The following ELOVL7 variants were observed in gnomAD, a reference collection of about 807,000 sequenced individuals.
ELOVL7 encodes the protein ELOVL fatty acid elongase 7.
In ELOVL7, 27 loss-of-function variants were observed where a neutral mutation model predicts 35.7. The observed-to-expected ratio is 0.76, with a 90% CI of 0.56 to 1.04. ELOVL7 has a LOEUF of 1.04. Among genes scored for constraint, ELOVL7 ranks in the 50% least tolerant of loss-of-function variants. The pLI is 0.00. For missense variants in ELOVL7, 327 were observed against 340.8 expected, an observed-to-expected ratio of 0.96 and a Z score of 0.32; for synonymous variants, 113 against 114.6, an observed-to-expected ratio of 0.99 and a Z score of 0.09.
chr5:60,819,374 G>A (rs115334114), intron 1 of ELOVL7, among the ~76,000 whole-genome samples: 1,728 of 152,218 alleles, frequency 0.011, 16 homozygotes, highest in South Asian at 0.042. Context: ...AAAGAGTGAA[G>A]TTGAAGGGTC....
At chr5:60,838,117 T>A (rs1223573784) in intron 1 of ELOVL7, among the ~76,000 whole-genome samples, 1 of 152,180 alleles carries the variant, frequency 6.6e-6, no homozygotes, top group Non-Finnish European at 1.5e-5. Flanking sequence ...GATTCCCCAC[T>A]GACATTATGA....
At chr5:60,820,993 T>C (rs1178778986) in intron 1 of ELOVL7, among the ~76,000 whole-genome samples, 1 of 152,214 alleles carries the variant, frequency 6.6e-6, no homozygotes, top group Non-Finnish European at 1.5e-5. Flanking sequence ...GCTGTAGCTT[T>C]AAGCCCTATA....
At chr5:60,809,735 G>C (rs1745138907) in intron 1 of ELOVL7, among the ~76,000 whole-genome samples, 1 of 152,176 alleles carries the variant, frequency 6.6e-6, no homozygotes, top group Non-Finnish European at 1.5e-5. Context: ...GATTTCACAG[G>C]AAATCAGAAA....
chr5:60,769,577 T>C (rs1742449133), intron 4 of ELOVL7, among the ~76,000 whole-genome samples: 1 of 152,236 alleles, frequency 6.6e-6, no homozygotes, highest in Admixed American at 6.5e-5. Flanking sequence ...GTGTTTGCTT[T>C]GTAAACCAAA....
chr5:60,821,716 T>G (rs1342995414), intron 1 of ELOVL7, among the ~76,000 whole-genome samples: 2 of 152,256 alleles, frequency 1.3e-5, no homozygotes, highest in Non-Finnish European at 2.9e-5. Flanking sequence ...ACAAATGGTT[T>G]CTTACTAGAT....
chr5:60,764,446 G>T (rs6889075), intron 6 of ELOVL7, 114 bp from the exon 7 acceptor site: 2 of 823,780 alleles, frequency 2.4e-6, no homozygotes, highest in Non-Finnish European at 3.9e-6. Flanking sequence ...TCCTCTAAAA[G>T]TGTTGCCTTA....
At chr5:60,785,844 A>G (rs1273143290) in intron 3 of ELOVL7, 1 of 152,204 alleles carries the variant, frequency 6.6e-6, no homozygotes, top group South Asian at 2.1e-4. Flanking sequence ...GGCATTCCTC[A>G]AAGGAAAAAC....
In ELOVL7 at chr5:60,754,054, A is replaced by G. The variant is rs1741388933; in HGVS notation, c.*570T>C. ...TGGCTACTGAAAAGATCCATTGAAA[A>G]TTATCATTAATGATTTTAAATGACA... On this transcript the variant is annotated 3_prime_UTR_variant, in exon 9 of 9. Transcript: ENST00000508821. The G allele has an allele frequency of 6.6e-6, 1 of 152,500 alleles. No individual in the cohort carries two copies. The highest frequency in any genetic ancestry group is 6.5e-5 in the Admixed American group (1 of 15,308). The allele number at this position is 152,500 out of a possible 1,614,324, so 9.4% of individuals were successfully genotyped here. A position where few individuals can be genotyped will look rare whatever the true frequency, so the allele number is the denominator to read the frequency against.
At chr5:60,842,700 C>T (rs1348848684) in intron 1 of ELOVL7, among the ~76,000 whole-genome samples, 1 of 152,158 alleles carries the variant, frequency 6.6e-6, no homozygotes, top group African/African-American at 2.4e-5. Context: ...GTGCTGGAGA[C>T]AGAACCCCAG....
chr5:60,785,559 C>T (rs964518563), intron 3 of ELOVL7, among the ~76,000 whole-genome samples: 1 of 152,272 alleles, frequency 6.6e-6, no homozygotes, highest in South Asian at 2.1e-4. Flanking sequence ...AAAACCCAAT[C>T]TACTTGGTTC....
intron 1 of ELOVL7, among the ~76,000 whole-genome samples, chr5:60,841,065 G>A (rs1407597379): frequency 4.6e-5 from 6 of 129,408 alleles, no homozygotes; most frequent in Non-Finnish European, 9.5e-5. Flanking sequence ...CTCCTTTGTT[G>A]CCCAGGCTGG....
intron 1 of ELOVL7, among the ~76,000 whole-genome samples, chr5:60,826,102 T>C (rs1474600624): frequency 1.3e-5 from 2 of 152,136 alleles, no homozygotes; most frequent in African/African-American, 4.8e-5. Flanking sequence ...ACGGTACATA[T>C]ACACCAAATA....
chr5:60,768,852 T>C (rs923861890), intron 4 of ELOVL7, among the ~76,000 whole-genome samples: 1 of 152,208 alleles, frequency 6.6e-6, no homozygotes, highest in African/African-American at 2.4e-5. Flanking sequence ...TTTTCTGCCA[T>C]TGAACCATAT....
intron 1 of ELOVL7, among the ~76,000 whole-genome samples, chr5:60,819,347 G>T (rs1391402442): frequency 6.6e-5 from 10 of 152,090 alleles, no homozygotes; most frequent in Non-Finnish European, 4.4e-5. Context: ...GATGGACAAT[G>T]TACTGACGGT....
intron 1 of ELOVL7, among the ~76,000 whole-genome samples, chr5:60,817,625 ATATG>A (rs1182579792): frequency 6.8e-6 from 1 of 147,484 alleles, no homozygotes; most frequent in Non-Finnish European, 1.5e-5. Flanking sequence ...ATATTTGTAT[ATATG>A]TATATTAGTA....
intron 2 of ELOVL7, among the ~76,000 whole-genome samples, chr5:60,796,231 C>T (rs1225287928): frequency 6.6e-6 from 1 of 152,188 alleles, no homozygotes; most frequent in African/African-American, 2.4e-5. Flanking sequence ...ACTCTCGTCC[C>T]CATCCTTTAT....
chr5:60,753,076 G>A lies in ELOVL7; in HGVS notation c.*1548C>T, dbSNP rs746022323. 3 of 152,010 alleles carry A rather than the reference G, an allele frequency of 2.0e-5. No homozygotes were observed. Among genetic ancestry groups the A allele is most frequent in the African/African-American group, 4.8e-5 (2 of 41,380 alleles). The allele number at this position is 152,010 out of a possible 1,614,324, so 9.4% of individuals were successfully genotyped here. The stretch of plus-strand genomic sequence containing the variant: ...AAATAACCTTATGAATCTGGTAAGT[G>A]TAAACATAAAAATACTTACTGTACA... On this transcript the variant is annotated 3_prime_UTR_variant, in exon 9 of 9. Coordinates refer to ENST00000508821, the MANE Select transcript of ELOVL7 (RefSeq NM_024930.3).
At chr5:60,756,197 G>A (rs1335307873) in intron 8 of ELOVL7, among the ~76,000 whole-genome samples, 7 of 152,026 alleles carry the variant, frequency 4.6e-5, no homozygotes, top group South Asian at 4.1e-4. Context: ...ATTTTTTCAC[G>A]TTATTAAAAA....
intron 1 of ELOVL7, among the ~76,000 whole-genome samples, chr5:60,827,866 G>A (rs188779800): frequency 6.0e-4 from 92 of 152,118 alleles, no homozygotes; most frequent in African/African-American, 2.2e-3. Flanking sequence ...CCCCAACCTT[G>A]GCCTCCCATC....
Sources: allele counts gnomAD v4.1 joint callset (sites outside exome capture counted in the v4.1 genomes callset), GRCh38; gene constraint gnomAD v4.1.1; transcripts MANE v1.5; gene names NCBI Gene and HGNC (gene_info 2026-07-23, HGNC 2026-07-21).